TRPS1: variants seen among roughly 807,000 people sequenced by gnomAD.
The protein encoded by TRPS1 is transcriptional repressor GATA binding 1.
In TRPS1, 6 loss-of-function variants were observed where a neutral mutation model predicts 101.2. The ratio of observed to expected loss-of-function variants is 0.06; its 90% CI spans 0.03 to 0.12. The LOEUF is 0.12. Ranked by LOEUF, TRPS1 falls within the 10% of genes least tolerant of loss-of-function variation. TRPS1 has a pLI of 1.00. For missense variants in TRPS1, 1,363 were observed against 1,567.0 expected, an observed-to-expected ratio of 0.87 and a Z score of 2.20; for synonymous variants, 578 against 589.8, an observed-to-expected ratio of 0.98 and a Z score of 0.29.
rs1812884627 is a variant in TRPS1, at chr8:115,415,048, C to T, written c.2860G>A (p.Gly954Ser). 2 of 1,594,556 alleles carry T rather than the reference C, an allele frequency of 1.3e-6. No individual in the cohort carries two copies. Among genetic ancestry groups the T allele is most frequent in the African/African-American group, 1.4e-5 (1 of 73,370 alleles). ...RPLNIIKQNNGEQIIRRRTRK... is the reference protein window; with the variant it reads ...RPLNIIKQNNSEQIIRRRTRK... ...GTTCTCCTCCTAATAATCTGCTCACCGTTGTTTTGTTTAATGATGTTTAAA... is the reference window on the plus strand; with the variant it reads ...GTTCTCCTCCTAATAATCTGCTCACTGTTGTTTTGTTTAATGATGTTTAAA... Residue 954 changes from glycine (G) to serine (S), a missense_variant, in exon 7 of 7, where the codon GGT becomes AGT. This residue lies in a region of TRPS1 where 12 missense variants were observed against 28.0 expected (regional missense o/e 0.43). Coordinates refer to ENST00000395715, the MANE Select transcript of TRPS1 (RefSeq NM_014112.5).
intron 1 of TRPS1, chr8:115,637,326 A>C (rs1021275813): frequency 1.0e-6 from 1 of 985,156 alleles, no homozygotes; most frequent in African/African-American, 1.7e-5. Context: ...AGCCACTTGA[A>C]GTTTCTAAAA....
chr8:115,656,782 T>C (rs536394304), intron 1 of TRPS1, among the ~76,000 whole-genome samples: 3 of 152,164 alleles, frequency 2.0e-5, no homozygotes, highest in Non-Finnish European at 4.4e-5. Context: ...CATCAAAACA[T>C]TTCTGAAAAC....
intron 5 of TRPS1, among the ~76,000 whole-genome samples, chr8:115,460,203 C>T (rs1367037427): frequency 6.6e-6 from 1 of 152,008 alleles, no homozygotes; most frequent in African/African-American, 2.4e-5. Context: ...ATAATCCATC[C>T]TGTAACACAA....
At chr8:115,656,152 T>G (rs1251491072) in intron 1 of TRPS1, among the ~76,000 whole-genome samples, 1 of 152,184 alleles carries the variant, frequency 6.6e-6, no homozygotes, top group Non-Finnish European at 1.5e-5. Context: ...CCTAATGCAT[T>G]TATTCCTCTA....
intron 5 of TRPS1, among the ~76,000 whole-genome samples, chr8:115,471,045 C>T (rs1814456780): frequency 6.6e-6 from 1 of 152,110 alleles, no homozygotes; most frequent in African/African-American, 2.4e-5. Flanking sequence ...GGTCTAGAGC[C>T]CTCAAAGGCA....
chr8:115,492,691 G>A (rs1815057371), intron 5 of TRPS1, among the ~76,000 whole-genome samples: 1 of 152,106 alleles, frequency 6.6e-6, no homozygotes, highest in African/African-American at 2.4e-5. Flanking sequence ...AAACAGTATT[G>A]TTAGTAGGAT....
At chr8:115,544,882 C>T (rs1166535250) in intron 5 of TRPS1, among the ~76,000 whole-genome samples, 1 of 86,480 alleles carries the variant, frequency 1.2e-5, no homozygotes. Flanking sequence ...AGGGAAAGGA[C>T]AAGAAAAAAA....
At chr8:115,603,301 C>T (rs1285561152) in intron 4 of TRPS1, among the ~76,000 whole-genome samples, 1 of 152,138 alleles carries the variant, frequency 6.6e-6, no homozygotes, top group Admixed American at 6.5e-5. Flanking sequence ...CTTGGAGGAG[C>T]AAGTCTACAT....
intron 1 of TRPS1, among the ~76,000 whole-genome samples, chr8:115,633,895 T>C (rs1267058296): frequency 6.6e-6 from 1 of 152,090 alleles, no homozygotes; most frequent in Non-Finnish European, 1.5e-5. Flanking sequence ...ATAAAAAACA[T>C]AAGTTAATAG....
At chr8:115,461,877 A>G (rs1373425895) in intron 5 of TRPS1, among the ~76,000 whole-genome samples, 2 of 152,206 alleles carry the variant, frequency 1.3e-5, no homozygotes, top group African/African-American at 4.8e-5. Flanking sequence ...TTGAAGACAA[A>G]TAAAAATAAT....
chr8:115,421,761 A>G (rs1045360235), intron 5 of TRPS1, among the ~76,000 whole-genome samples: 1 of 152,160 alleles, frequency 6.6e-6, no homozygotes, highest in African/African-American at 2.4e-5. Flanking sequence ...CTGTGTCACT[A>G]CAGAACCACA....
intron 5 of TRPS1, among the ~76,000 whole-genome samples, chr8:115,463,791 C>T (rs1287433929): frequency 6.6e-6 from 1 of 151,826 alleles, no homozygotes; most frequent in Non-Finnish European, 1.5e-5. Context: ...TTTCAGTTTT[C>T]CTTATTTCAG....
chr8:115,656,245 T>C (rs1013128928), intron 1 of TRPS1, among the ~76,000 whole-genome samples: 1 of 152,190 alleles, frequency 6.6e-6, no homozygotes, highest in African/African-American at 2.4e-5. Flanking sequence ...TTTTTACACA[T>C]AATTATAATT....
At chr8:115,573,203 A>T (rs190088948) in intron 5 of TRPS1, among the ~76,000 whole-genome samples, 1 of 152,148 alleles carries the variant, frequency 6.6e-6, no homozygotes, top group East Asian at 1.9e-4. Flanking sequence ...ATCCAGTTTG[A>T]TCCAGCCATT....
chr8:115,647,655 A>C (rs910155792), intron 1 of TRPS1, among the ~76,000 whole-genome samples: 1 of 152,182 alleles, frequency 6.6e-6, no homozygotes, highest in African/African-American at 2.4e-5. Context: ...GAAACACTTT[A>C]AGCAGCTCCT....
intron 1 of TRPS1, among the ~76,000 whole-genome samples, chr8:115,641,704 A>G (rs1392294852): frequency 6.6e-6 from 1 of 152,084 alleles, no homozygotes; most frequent in Non-Finnish European, 1.5e-5. Context: ...ACATGGTGAA[A>G]CCCCATCTCT....
intron 5 of TRPS1, among the ~76,000 whole-genome samples, chr8:115,501,998 T>C (rs1451968041): frequency 6.6e-6 from 1 of 151,974 alleles, no homozygotes; most frequent in African/African-American, 2.4e-5. Flanking sequence ...TGATTCACCA[T>C]CAACAAAGTT....
intron 1 of TRPS1, among the ~76,000 whole-genome samples, chr8:115,665,632 A>C (rs1229646533): frequency 2.0e-5 from 3 of 152,190 alleles, no homozygotes; most frequent in Non-Finnish European, 4.4e-5. Context: ...CTGGTTTTCA[A>C]ACACGTATGC....
In TRPS1 at chr8:115,416,371, A is replaced by C. The variant is rs541566373; in HGVS notation, c.2824-1287T>G. Among the ~76,000 whole-genome samples, 94 of 151,794 alleles carry C rather than the reference A, an allele frequency of 6.2e-4. 1 individual carries two copies. The highest frequency in any genetic ancestry group is 2.2e-3 in the African/African-American group (92 of 41,556). ...ATGCGTATTTATAGGTTAAAAATTT[A>C]GGGTAATCTTTAAATGGGCTAAAGT... On this transcript the variant is annotated intron_variant, in intron 6 of 6. Coordinates refer to ENST00000395715, the MANE Select transcript of TRPS1 (RefSeq NM_014112.5).
Sources: gnomAD v4.1 joint callset for allele counts (sites outside exome capture counted in the v4.1 genomes callset) on GRCh38, gnomAD v4.1.1 for gene constraint, gnomAD v4.1.1 regional missense constraint, MANE v1.5 for transcripts, NCBI Gene and HGNC (gene_info 2026-07-23, HGNC 2026-07-21) for gene names.